CACNA1C: variants seen among roughly 807,000 people sequenced by gnomAD.
CACNA1C encodes voltage-dependent L-type calcium channel subunit alpha-1C.
A neutral mutation model predicts 229.0 loss-of-function variants in CACNA1C; 30 were observed. That is an observed-to-expected ratio of 0.13 (90% confidence interval 0.10 to 0.18). CACNA1C has a LOEUF of 0.18. CACNA1C is among the 10% of genes least tolerant of loss of function. CACNA1C has a pLI of 1.00. For synonymous variants in CACNA1C, 1,114 were observed against 1,132.5 expected (o/e 0.98, Z 0.33); for missense variants, 1,658 against 2,845.0 (o/e 0.58, Z 9.49).
At chr12:2,008,339 G>A (rs375852220) in intron 1 of CACNA1C, among the ~76,000 whole-genome samples, 2 of 151,906 alleles carry the variant, frequency 1.3e-5, no homozygotes, top group African/African-American at 4.8e-5. Flanking sequence ...GGATGGAGAT[G>A]TTATTTTTCA....
intron 3 of CACNA1C, among the ~76,000 whole-genome samples, chr12:2,247,469 A>G (rs1484067861): frequency 1.3e-5 from 2 of 152,200 alleles, no homozygotes; most frequent in South Asian, 4.1e-4. Flanking sequence ...AGGCTGGGAG[A>G]AATCGACCAT....
At chr12:2,126,385 G>A (rs574302734) in intron 3 of CACNA1C, among the ~76,000 whole-genome samples, 50 of 152,296 alleles carry the variant, frequency 3.3e-4, no homozygotes, top group African/African-American at 1.1e-3. Context: ...GCTATTACCT[G>A]TTAGGTAGAT....
chr12:2,258,742 T>C (rs913846690), intron 3 of CACNA1C, among the ~76,000 whole-genome samples: 1 of 152,250 alleles, frequency 6.6e-6, no homozygotes, highest in Non-Finnish European at 1.5e-5. Context: ...TTAAGACGCC[T>C]GAATATTTTC....
At chr12:2,270,246 C>T (rs145389253) in intron 3 of CACNA1C, among the ~76,000 whole-genome samples, 247 of 152,318 alleles carry the variant, frequency 1.6e-3, no homozygotes, top group African/African-American at 4.3e-3. Flanking sequence ...AGTATTCCAT[C>T]GTCAAGACTA....
chr12:2,235,782 G>C (rs1392035490), intron 3 of CACNA1C, among the ~76,000 whole-genome samples: 1 of 152,184 alleles, frequency 6.6e-6, no homozygotes, highest in African/African-American at 2.4e-5. Flanking sequence ...GGTAGGAGCA[G>C]TCCGGTGCAC....
chr12:2,504,712 C>A lies in CACNA1C; in HGVS notation c.1114-130C>A. On this transcript the variant is annotated intron_variant, in intron 7 of 46. Transcript: ENST00000399655. The surrounding 1 kb of genome is among the most constrained non-coding windows in gnomAD (Gnocchi z 6.8). ...CCCATTGGCCAGGCAGGCTGTTTGG[C>A]CTCTGATTTGCACCTAGAGGGTCCC... 1 of 748,044 alleles carries A rather than the reference C, an allele frequency of 1.3e-6. No individual in the cohort carries two copies. Among genetic ancestry groups the A allele is most frequent in the Non-Finnish European group, 2.4e-6 (1 of 422,832 alleles). 46.3% of individuals were successfully genotyped at this position (748,044 alleles called of 1,614,324 possible).
intron 1 of CACNA1C, among the ~76,000 whole-genome samples, chr12:2,033,424 G>C (rs1392359213): frequency 1.3e-5 from 2 of 152,102 alleles, no homozygotes; most frequent in African/African-American, 2.4e-5. Context: ...TCCAAACCCA[G>C]GCTATGTTTA....
intron 29 of CACNA1C, among the ~76,000 whole-genome samples, chr12:2,624,985 G>T (rs145885979): frequency 6.6e-6 from 1 of 152,296 alleles, no homozygotes; most frequent in Non-Finnish European, 1.5e-5. Flanking sequence ...CCAAGCTCCC[G>T]CATTCCCCTG....
chr12:2,373,963 G>C (rs544827671), intron 3 of CACNA1C, among the ~76,000 whole-genome samples: 57 of 152,278 alleles, frequency 3.7e-4, no homozygotes, highest in African/African-American at 1.3e-3. Context: ...GAGCCAGCGG[G>C]GGCCTTACAG....
At chr12:2,454,880 A>G (rs1307258879) in intron 4 of CACNA1C, among the ~76,000 whole-genome samples, 1 of 152,302 alleles carries the variant, frequency 6.6e-6, no homozygotes, top group Admixed American at 6.5e-5. Flanking sequence ...AGAAACTTTC[A>G]TGTATTCCCA....
intron 3 of CACNA1C, among the ~76,000 whole-genome samples, chr12:2,361,467 CT>C (rs939347899): frequency 5.5e-4 from 84 of 152,150 alleles, no homozygotes; most frequent in Admixed American, 2.9e-3. Context: ...GGAAAGGATC[CT>C]TTTTTCCTTT....
In CACNA1C at chr12:2,223,645, G is replaced by A. The variant is rs143162892; in HGVS notation, c.477+103215G>A. ...GAGGTATTAATCTAGAGTTTGAATCGGATCTCTCTGACTCTAAGACTCCTG... is the reference window on the plus strand; with the variant it reads ...GAGGTATTAATCTAGAGTTTGAATCAGATCTCTCTGACTCTAAGACTCCTG... On this transcript the variant is annotated intron_variant, in intron 3 of 46. Transcript: ENST00000399655. Among the ~76,000 whole-genome samples the A allele has an allele frequency of 5.8e-4, 89 of 152,172 alleles. 1 individual carries two copies. The highest frequency in any genetic ancestry group is 1.9e-3 in the African/African-American group (80 of 41,508).
chr12:2,191,124 G>A (rs1031161321), intron 3 of CACNA1C, among the ~76,000 whole-genome samples: 2 of 152,196 alleles, frequency 1.3e-5, no homozygotes, highest in Admixed American at 6.5e-5. Flanking sequence ...ACCCTGGGGC[G>A]TCAGGAGAGG....
rs953711910 is a variant in CACNA1C, at chr12:2,403,646, A to C, written c.478-45330A>C. Among the ~76,000 whole-genome samples, 17 of 101,280 alleles carry C rather than the reference A, an allele frequency of 1.7e-4. No individual in the cohort carries two copies. Among genetic ancestry groups the C allele is most frequent in the South Asian group, 1.4e-3 (5 of 3,480 alleles). 66.4% of individuals were successfully genotyped at this position (101,280 alleles called of 152,430 possible). A position where few individuals can be genotyped will look rare whatever the true frequency, so the allele number is the denominator to read the frequency against. ...ATGCATTGACACTATATGATTAGGA[A>C]AGTACAGTAAATAACAGATGAGAAG... On this transcript the variant is annotated intron_variant, in intron 3 of 46. Transcript: ENST00000399655. The surrounding 1 kb of genome is among the most constrained non-coding windows in gnomAD (Gnocchi z 4.1).
At chr12:2,453,294 G>T (rs1027350996) in intron 4 of CACNA1C, among the ~76,000 whole-genome samples, 1 of 152,140 alleles carries the variant, frequency 6.6e-6, no homozygotes, top group African/African-American at 2.4e-5. Context: ...TCCCCCAGCT[G>T]CAGCTTCCCA....
chr12:2,112,399 A>G (rs574236848), intron 1 of CACNA1C, among the ~76,000 whole-genome samples: 3 of 152,132 alleles, frequency 2.0e-5, no homozygotes, highest in South Asian at 4.2e-4. Context: ...TACAGGAGAG[A>G]TGAGACGTCT....
intron 3 of CACNA1C, among the ~76,000 whole-genome samples, chr12:2,281,218 C>A (rs979552957): frequency 4.6e-5 from 7 of 151,192 alleles, no homozygotes; most frequent in African/African-American, 1.7e-4. Flanking sequence ...TTAGATCACT[C>A]CCTTCCTGGC....
rs969409949 is a variant in CACNA1C at position 2,608,466 on chromosome 12, C to G, written c.3357-45C>G. The stretch of plus-strand genomic sequence containing the variant: ...TGGTGCCGTCCTTCCGCAGAGGGGA[C>G]CCTGCTTCTCCAGTTCCCTCTGTGG... On this transcript the variant is annotated intron_variant, in intron 26 of 46. Coordinates refer to ENST00000399655, the MANE Select transcript of CACNA1C (RefSeq NM_000719.7). This position sits in a 1 kb window ranked among gnomAD's most constrained non-coding sequence, Gnocchi z 4.2. 2.7e-6 allele frequency: 4 copies of G among 1,474,580 alleles called. No homozygotes were observed. In the African/African-American group the frequency reaches 5.6e-5, roughly 21 times the overall value. The allele number at this position is 1,474,580 out of a possible 1,614,324, so 91.3% of individuals were successfully genotyped here. A position where few individuals can be genotyped will look rare whatever the true frequency, so the allele number is the denominator to read the frequency against.
chr12:2,204,791 G>GT (rs1334450118), intron 3 of CACNA1C, among the ~76,000 whole-genome samples: 1 of 120,426 alleles, frequency 8.3e-6, no homozygotes, highest in Non-Finnish European at 1.8e-5. Context: ...TGGGGACTGT[G>GT]GTGGGGTTGG....
Sources: gnomAD v4.1 joint callset for allele counts (sites outside exome capture counted in the v4.1 genomes callset) on GRCh38, gnomAD v4.1.1 for gene constraint, Gnocchi (gnomAD v3.1) non-coding constraint, MANE v1.5 for transcripts, NCBI Gene and HGNC (gene_info 2026-07-23, HGNC 2026-07-21) for gene names.